Variants in PTPRD observed in about 807,000 individuals in gnomAD.
The protein encoded by PTPRD is protein tyrosine phosphatase receptor type D.
PTPRD carries 34 observed loss-of-function variants against 214.5 expected under a neutral mutation model. That is an observed-to-expected ratio of 0.16 (90% CI 0.12 to 0.21). The LOEUF is 0.21. Among genes scored for constraint, PTPRD ranks in the 10% least tolerant of loss-of-function variants. The pLI is 1.00. For synonymous variants in PTPRD, 1,128 were observed against 845.7 expected, an observed-to-expected ratio of 1.33 and a Z score of -5.79; for missense variants, 2,545 against 2,398.7, an observed-to-expected ratio of 1.06 and a Z score of -1.27.
At chr9:10,464,255 A>G (rs2098978345) in intron 2 of PTPRD, among the ~76,000 whole-genome samples, 1 of 152,006 alleles carries the variant, frequency 6.6e-6, no homozygotes, top group African/African-American at 2.4e-5. Flanking sequence ...TTTTAAATGC[A>G]AAAATAAAGA....
At chr9:8,984,425 A>G (rs1393951422) in intron 11 of PTPRD, among the ~76,000 whole-genome samples, 3 of 152,100 alleles carry the variant, frequency 2.0e-5, no homozygotes, top group Non-Finnish European at 4.4e-5. Flanking sequence ...CTCCACATAT[A>G]TCAATATAAA....
chr9:9,836,517 T>C (rs2056804472), intron 5 of PTPRD, among the ~76,000 whole-genome samples: 1 of 152,130 alleles, frequency 6.6e-6, no homozygotes, highest in African/African-American at 2.4e-5. Context: ...AATTTGCCAA[T>C]AATAGATATC....
intron 5 of PTPRD, among the ~76,000 whole-genome samples, chr9:9,824,363 C>T (rs1446293470): frequency 6.6e-6 from 1 of 151,930 alleles, no homozygotes; most frequent in African/African-American, 2.4e-5. Context: ...TAGAATTTGA[C>T]ATAGCACAGT....
At chr9:8,596,903 G>T (rs1039218061) in intron 14 of PTPRD, among the ~76,000 whole-genome samples, 2 of 152,008 alleles carry the variant, frequency 1.3e-5, no homozygotes, top group Admixed American at 1.3e-4. Context: ...TTTAATAAAT[G>T]GTGCATACAA....
chr9:9,750,299 G>T (rs889663979), intron 6 of PTPRD, among the ~76,000 whole-genome samples: 5 of 151,976 alleles, frequency 3.3e-5, no homozygotes, highest in Admixed American at 3.3e-4. Flanking sequence ...TTTAAAAACT[G>T]TCTTTGCTTT....
At position 10,488,315 on chromosome 9, in the gene PTPRD, C is replaced by T. The variant is rs370852483; in HGVS notation, c.-600+124083G>A. ...CTGGGAGGCGGAGCTTGCAGTGAGC[C>T]GAGATCGCACCACTGCACTCCAGCC... On this transcript the variant is annotated intron_variant, in intron 2 of 45. Coordinates refer to ENST00000381196, the MANE Select transcript of PTPRD (RefSeq NM_002839.4). Among the ~76,000 whole-genome samples the T allele has an allele frequency of 6.7e-5, 10 of 149,016 alleles. No homozygotes were observed. In the East Asian group the frequency reaches 1.0e-3, roughly 15 times the overall value.
At chr9:8,957,008 C>T (rs1042763882) in intron 11 of PTPRD, among the ~76,000 whole-genome samples, 7 of 151,814 alleles carry the variant, frequency 4.6e-5, no homozygotes, top group Non-Finnish European at 1.0e-4. Context: ...GTAAGGATAA[C>T]TCAGTGATGT....
In PTPRD at chr9:8,518,044, T is replaced by G. The variant is rs949842442; in HGVS notation, c.1347A>C (p.Gln449His). Residue 449 changes from glutamine to histidine, a missense_variant, in exon 21 of 46, where the codon CAA becomes CAC. Coordinates refer to ENST00000381196, the MANE Select transcript of PTPRD (RefSeq NM_002839.4). ...CCATTGTATAATAAACTCTATATCCTTGGATCTGTCCATTTGGCTCTTCAG... is the reference window on the plus strand; with the variant it reads ...CCATTGTATAATAAACTCTATATCCGTGGATCTGTCCATTTGGCTCTTCAG... Reference protein sequence around the residue: ...KEPEEPNGQIQGYRVYYTMDP... With the variant: ...KEPEEPNGQIHGYRVYYTMDP... 6.2e-7 allele frequency: 1 copy of G among 1,614,080 alleles called. No homozygotes were observed. The highest frequency in any genetic ancestry group is 8.5e-7 in the Non-Finnish European group (1 of 1,180,034).
At position 10,059,764 on chromosome 9, in the gene PTPRD, T is replaced by A. The variant is rs568600985; in HGVS notation, c.-544-25974A>T. 2.0e-5 allele frequency among the ~76,000 whole-genome samples: 3 copies of A among 147,522 alleles called. No homozygotes were observed. In the South Asian group the frequency reaches 6.6e-4, roughly 32 times the overall value. On this transcript the variant is annotated intron_variant, in intron 3 of 45. Coordinates refer to ENST00000381196, the MANE Select transcript of PTPRD (RefSeq NM_002839.4). ...AAAATATCTTATTGGTTGAGAACAATAATAAAATATTTAAGAAATTAAAAA... is the reference window on the plus strand; with the variant it reads ...AAAATATCTTATTGGTTGAGAACAAAAATAAAATATTTAAGAAATTAAAAA...
chr9:9,071,519 A>C (rs2099743713), intron 10 of PTPRD, among the ~76,000 whole-genome samples: 1 of 152,174 alleles, frequency 6.6e-6, no homozygotes, highest in South Asian at 2.1e-4. Flanking sequence ...CCTAAGTTGC[A>C]GGGAACTGTG....
intron 4 of PTPRD, among the ~76,000 whole-genome samples, chr9:9,955,129 A>C (rs574402728): frequency 2.0e-5 from 3 of 152,340 alleles, no homozygotes; most frequent in African/African-American, 7.2e-5. Flanking sequence ...AAAGCCTAAC[A>C]GCAATGTAGT....
At chr9:9,348,475 G>C (rs1057422857) in intron 9 of PTPRD, among the ~76,000 whole-genome samples, 1 of 152,084 alleles carries the variant, frequency 6.6e-6, no homozygotes. Flanking sequence ...TAAGAATAAA[G>C]GACTTGGTGA....
intron 11 of PTPRD, among the ~76,000 whole-genome samples, chr9:8,745,095 C>A (rs7021929): frequency 0.055 from 8,351 of 152,200 alleles, 557 homozygotes; most frequent in African/African-American, 0.16. Flanking sequence ...TTCACATCTA[C>A]TCCCTCCTTC....
chr9:10,297,725 C>T (rs984575668), intron 3 of PTPRD, among the ~76,000 whole-genome samples: 18 of 151,940 alleles, frequency 1.2e-4, no homozygotes, highest in Admixed American at 1.2e-3. Flanking sequence ...TGGCTCTGTA[C>T]TAAAAGTAAA....
intron 3 of PTPRD, among the ~76,000 whole-genome samples, chr9:10,253,258 G>A (rs1230615651): frequency 6.6e-6 from 1 of 152,170 alleles, no homozygotes; most frequent in Non-Finnish European, 1.5e-5. Context: ...TATCTTAAGG[G>A]ACTGTGGGTC....
chr9:8,515,347 T>G (rs944141793), intron 21 of PTPRD, among the ~76,000 whole-genome samples: 1 of 152,220 alleles, frequency 6.6e-6, no homozygotes, highest in Admixed American at 6.5e-5. Flanking sequence ...ACTATTATGA[T>G]GATTACATAT....
At chr9:10,213,465 G>A (rs1441058274) in intron 3 of PTPRD, among the ~76,000 whole-genome samples, 1 of 152,052 alleles carries the variant, frequency 6.6e-6, no homozygotes, top group African/African-American at 2.4e-5. Flanking sequence ...TGGATGCAGA[G>A]GACTTCAGGT....
intron 9 of PTPRD, among the ~76,000 whole-genome samples, chr9:9,291,482 A>G (rs929491072): frequency 2.6e-5 from 4 of 151,452 alleles, no homozygotes; most frequent in African/African-American, 9.7e-5. Flanking sequence ...AAAATTTATT[A>G]GAGATTTTGA....
chr9:9,436,168 T>A (rs7045046), intron 8 of PTPRD, among the ~76,000 whole-genome samples: 59,729 of 152,032 alleles, frequency 0.39, 12,096 homozygotes, highest in Middle Eastern at 0.57. Flanking sequence ...CTTCTTCTAT[T>A]CTTTGGGTGA....
Sources: allele counts gnomAD v4.1 joint callset (sites outside exome capture counted in the v4.1 genomes callset), GRCh38; gene constraint gnomAD v4.1.1; transcripts MANE v1.5; gene names NCBI Gene and HGNC (gene_info 2026-07-23, HGNC 2026-07-21).